The following KLRK1 variants were observed in gnomAD, a reference collection of about 807,000 sequenced individuals.
KLRK1 encodes the protein NKG2-D type II integral membrane protein.
In KLRK1, 40 loss-of-function variants were observed where a neutral mutation model predicts 31.3. That is an observed-to-expected ratio of 1.28 (90% CI 0.99 to 1.67). The LOEUF is 1.67. Ranked by LOEUF, KLRK1 falls within the 40% of genes most tolerant of loss-of-function variation. KLRK1 has a pLI of 0.00. For missense variants in KLRK1, 251 were observed against 260.0 expected (o/e 0.97, Z 0.24); for synonymous variants, 77 against 77.3 (o/e 1.00, Z 0.02).
intron 5 of KLRK1, chr12:10,378,951 T>G (rs1357213915): frequency 3.1e-6 from 1 of 324,586 alleles, no homozygotes; most frequent in African/African-American, 2.2e-5. Flanking sequence ...GTTAGAAGTT[T>G]GATACCAGCC....
intron 5 of KLRK1, chr12:10,378,977 A>G (rs907671743): frequency 2.4e-5 from 6 of 251,820 alleles, no homozygotes; most frequent in Admixed American, 5.4e-5. Context: ...AACATGGTGA[A>G]ACCCTGCCTC....
In KLRK1 at chr12:10,379,739, T is replaced by C. The variant is rs1166723497; in HGVS notation, c.202A>G (p.Ile68Val). ...GCACTCCATATTGTTACCATAATAATGAAACGGATTCCCATGGCTACAGCG... is the reference window on the plus strand; with the variant it reads ...GCACTCCATATTGTTACCATAATAACGAAACGGATTCCCATGGCTACAGCG... Reference protein sequence around the residue: ...FIAVAMGIRFIIMVTIWSAVF... With the variant: ...FIAVAMGIRFVIMVTIWSAVF... Residue 68 changes from isoleucine to valine, a missense_variant, in exon 4 of 8, where the codon ATT becomes GTT. Ile to Val is a conservative substitution (Grantham distance 29). Coordinates refer to ENST00000240618, the MANE Select transcript of KLRK1 (RefSeq NM_007360.4). 2 of 1,612,020 alleles carry C rather than the reference T, an allele frequency of 1.2e-6. No homozygotes were observed. The highest frequency in any genetic ancestry group is 2.2e-5 in the East Asian group (1 of 44,728).
intron 6 of KLRK1, 27 bp downstream of exon 6, chr12:10,378,527 G>T (rs765066098): frequency 1.2e-6 from 2 of 1,607,400 alleles, no homozygotes; most frequent in South Asian, 1.1e-5. Context: ...TTAAATACAG[G>T]ATGGGAAATT....
At chr12:10,388,595 A>C (rs1481107767) in intron 2 of KLRK1, among the ~76,000 whole-genome samples, 176 bp downstream of exon 2, 1 of 152,208 alleles carries the variant, frequency 6.6e-6, no homozygotes, top group African/African-American at 2.4e-5. Flanking sequence ...AAAGTTTTTA[A>C]GTTTTGGAAG....
chr12:10,377,704 T>G (rs143019968), intron 7 of KLRK1, among the ~76,000 whole-genome samples: 1 of 152,328 alleles, frequency 6.6e-6, no homozygotes, highest in Non-Finnish European at 1.5e-5. Context: ...ATGTTAACTA[T>G]CTTGATGTTC....
chr12:10,380,071 T>TG (rs1243499351), intron 3 of KLRK1, among the ~76,000 whole-genome samples: 4 of 137,936 alleles, frequency 2.9e-5, no homozygotes, highest in Admixed American at 7.2e-5. Flanking sequence ...TTTTTTTTTT[T>TG]TTTTTTTTTT....
chr12:10,384,323 G>A (rs1249845548), intron 3 of KLRK1, among the ~76,000 whole-genome samples: 2 of 151,940 alleles, frequency 1.3e-5, no homozygotes. Context: ...AAGAAAACTG[G>A]TGGCATCACG....
intron 3 of KLRK1, chr12:10,381,677 C>T (rs938283066): frequency 6.6e-6 from 1 of 152,136 alleles, no homozygotes; most frequent in Non-Finnish European, 1.5e-5. Flanking sequence ...CTCACAGAAA[C>T]ATCAAATTAA....
chr12:10,377,091 A>G (rs1349990788), intron 7 of KLRK1, among the ~76,000 whole-genome samples: 1 of 152,204 alleles, frequency 6.6e-6, no homozygotes, highest in Non-Finnish European at 1.5e-5. Flanking sequence ...TGCTGGGATT[A>G]TAGGCATAAA....
intron 7 of KLRK1, among the ~76,000 whole-genome samples, chr12:10,376,902 C>T (rs1178691740): frequency 2.7e-5 from 4 of 148,904 alleles, no homozygotes; most frequent in Admixed American, 6.9e-5. Context: ...CTGCAACCTC[C>T]GTCTCCCGGG....
Position 10,378,906 on chromosome 12 carries a change from C to G in KLRK1, c.278-201G>C, listed in dbSNP as rs538758007. ...TGGTGTCTCATGCCTGTAATCCTAG[C>G]ACTTTGGGAGGCCAAGGCAGGTGAC... On this transcript the variant is annotated intron_variant, in intron 5 of 7. Transcript: ENST00000240618. 2.6e-5 allele frequency: 14 copies of G among 533,598 alleles called. No homozygotes were observed. The East Asian group carries it at 5.7e-4, about 22-fold the overall frequency. The allele number at this position is 533,598 out of a possible 1,614,324, so 33.1% of individuals were successfully genotyped here.
rs766675499 is a variant in KLRK1, at chr12:10,373,193, A to C, written c.572T>G (p.Leu191Arg). 5.0e-6 allele frequency: 8 copies of C among 1,611,064 alleles called. No homozygotes were observed. The highest frequency in any genetic ancestry group is 6.8e-6 in the Non-Finnish European group (8 of 1,179,116). ...ATAGCCTTTAAAGCTCGAGGCATAG[A>C]GTGCACAGTCTCCCTTCTGCATTTC... ...IIEMQKGDCA[L>R]YASSFKGYIE... The change falls in exon 8 of 8, where the codon CTC becomes CGC. Residue 191 changes from leucine (L) to arginine (R), a missense_variant. Coordinates refer to ENST00000240618, the MANE Select transcript of KLRK1 (RefSeq NM_007360.4).
Position 10,372,736 on chromosome 12 carries a change from T to G in KLRK1, c.*378A>C. The G allele has an allele frequency of 8.4e-6, 2 of 237,630 alleles. No individual in the cohort carries two copies. Among genetic ancestry groups the G allele is most frequent in the Non-Finnish European group, 1.6e-5 (2 of 123,010 alleles). The allele number at this position is 237,630 out of a possible 1,614,324, so 14.7% of individuals were successfully genotyped here. On this transcript the variant is annotated 3_prime_UTR_variant, in exon 8 of 8. Transcript: ENST00000240618. ...TGCTGTGGCCCTGCCCATGAGGCAA[T>G]TTCCTGTGGAGGGTGGGGTTGCACT...
rs373914424 is a variant in KLRK1 at position 10,388,848 on chromosome 12, T to A, written c.-38A>T. 5 of 1,612,616 alleles carry A rather than the reference T, an allele frequency of 3.1e-6. No individual in the cohort carries two copies. The African/African-American group carries it at 4.0e-5, about 13-fold the overall frequency. ...AGTGCACGTCTACCGCAGAGAGGAA[T>A]CTAAAGTCTTCAATGCACAAAGGAT... On this transcript the variant is annotated 5_prime_UTR_variant, in exon 2 of 8. Coordinates refer to ENST00000240618, the MANE Select transcript of KLRK1 (RefSeq NM_007360.4).
chr12:10,373,009 C>T lies in KLRK1; in HGVS notation c.*105G>A, dbSNP rs963544318. ...TCTAAGAAATCTGACAGTCTTTGGT[C>T]ATTTTGTCCTGTTTTTGTTTGTTTC... is the stretch of plus-strand genomic sequence containing the variant. On this transcript the variant is annotated 3_prime_UTR_variant, in exon 8 of 8. Transcript: ENST00000240618. 4 of 980,394 alleles carry T rather than the reference C, an allele frequency of 4.1e-6. No homozygotes were observed. The African/African-American group carries it at 6.6e-5, about 16-fold the overall frequency. 60.7% of individuals were successfully genotyped at this position (980,394 alleles called of 1,614,324 possible).
At chr12:10,374,916 T>C (rs1387536799) in intron 7 of KLRK1, among the ~76,000 whole-genome samples, 1 of 152,220 alleles carries the variant, frequency 6.6e-6, no homozygotes, top group Non-Finnish European at 1.5e-5. Flanking sequence ...ATTTACTACA[T>C]GCATAAACAG....
At chr12:10,383,213 T>C (rs1863108542) in intron 3 of KLRK1, among the ~76,000 whole-genome samples, 1 of 151,952 alleles carries the variant, frequency 6.6e-6, no homozygotes, top group African/African-American at 2.4e-5. Context: ...AGTGACTGAA[T>C]GGATTAAAAA....
At position 10,372,916 on chromosome 12, in the gene KLRK1, CTCTT is replaced by C. The variant is rs1056504599; in HGVS notation, c.*194_*197del. 1.9e-6 allele frequency: 1 copy of C among 535,886 alleles called. No homozygotes were observed. Among genetic ancestry groups the C allele is most frequent in the Non-Finnish European group, 3.2e-6 (1 of 311,400 alleles). The allele number at this position is 535,886 out of a possible 1,614,324, so 33.2% of individuals were successfully genotyped here. ...GATATCTGAATTGCCTTTAGGATCT[CTCTT>C]CTTTTGTCTTGGAGAATCATGCATG... On this transcript the variant is annotated 3_prime_UTR_variant, in exon 8 of 8. Coordinates refer to ENST00000240618, the MANE Select transcript of KLRK1 (RefSeq NM_007360.4).
intron 7 of KLRK1, among the ~76,000 whole-genome samples, chr12:10,375,106 G>A (rs546855005): frequency 1.1e-4 from 17 of 152,086 alleles, no homozygotes; most frequent in Non-Finnish European, 1.9e-4. Context: ...GGTATACTGG[G>A]GCTTCCAAAT....
Sources: allele counts gnomAD v4.1 joint callset (sites outside exome capture counted in the v4.1 genomes callset), GRCh38; gene constraint gnomAD v4.1.1; transcripts MANE v1.5; gene names NCBI Gene and HGNC (gene_info 2026-07-23, HGNC 2026-07-21).